ANO2: variants seen among roughly 807,000 people sequenced by gnomAD.
ANO2 encodes anoctamin 2, also known as anoctamin-2.
In ANO2, 101 loss-of-function variants were observed where a neutral mutation model predicts 124.2. The observed-to-expected ratio is 0.81, with a 90% CI of 0.69 to 0.96. The LOEUF is 0.96. ANO2 is among the 40% of genes least tolerant of loss of function. The pLI is 0.00. For synonymous variants in ANO2, 486 were observed against 482.5 expected (o/e 1.01, Z -0.09); for missense variants, 1,293 against 1,274.5 (o/e 1.01, Z -0.22).
intron 20 of ANO2, 129 bp from the exon 21 acceptor site, chr12:5,578,647 C>T: frequency 1.1e-6 from 1 of 914,454 alleles, no homozygotes; most frequent in Non-Finnish European, 1.6e-6. Context: ...TTTTTAGTCT[C>T]CCTTTTCCTC....
intron 7 of ANO2, among the ~76,000 whole-genome samples, chr12:5,807,697 T>C (rs896731595): frequency 6.6e-6 from 1 of 152,210 alleles, no homozygotes; most frequent in Non-Finnish European, 1.5e-5. Context: ...CATGACCGCA[T>C]AGGAATGGTT....
At chr12:5,905,226 C>A (rs1940591400) in intron 3 of ANO2, among the ~76,000 whole-genome samples, 1 of 152,312 alleles carries the variant, frequency 6.6e-6, no homozygotes, top group African/African-American at 2.4e-5. Context: ...CACCTGGAGC[C>A]ACCTGGGGCT....
chr12:5,589,854 G>A (rs1008086912), intron 20 of ANO2, among the ~76,000 whole-genome samples: 8 of 152,096 alleles, frequency 5.3e-5, no homozygotes, highest in Non-Finnish European at 1.0e-4. Context: ...TGGACCACAG[G>A]ACATGGAGAA....
chr12:5,577,966 C>A lies in ANO2; in HGVS notation c.2428G>T (p.Val810Phe). The change falls in exon 22 of 25, where the codon GTT (valine) becomes TTT (phenylalanine). Residue 810 changes from valine (V) to phenylalanine (F), a missense_variant. Physicochemically the swap from Val to Phe is conservative, Grantham distance 50. Transcript: ENST00000682330. ...DILSGIGKFS[V>F]ISNAFVIAIT... ...ATGCAAGTACTTACGTTGCTGATAA[C>A]AGAGAACTTGCCAATTCCAGAGAGA... The A allele has an allele frequency of 1.9e-6, 3 of 1,613,796 alleles. No individual in the cohort carries two copies. Among genetic ancestry groups the A allele is most frequent in the Non-Finnish European group, 1.7e-6 (2 of 1,179,736 alleles).
At chr12:5,801,295 T>C (rs1953030543) in intron 9 of ANO2, among the ~76,000 whole-genome samples, 1 of 152,154 alleles carries the variant, frequency 6.6e-6, no homozygotes, top group Non-Finnish European at 1.5e-5. Flanking sequence ...GTAAATAAAA[T>C]CATTCAGTAA....
At position 5,638,496 on chromosome 12, in the gene ANO2, A is replaced by G. The variant is rs1013372767; in HGVS notation, c.1621-3149T>C. On this transcript the variant is annotated intron_variant, in intron 15 of 24. Coordinates refer to ENST00000682330, the MANE Select transcript of ANO2 (RefSeq NM_001364791.2). ...ACGATCTGCCCACCTCGGCCTCCCA[A>G]AGTGCTGGGATTACAGGCGTGAGCC... Among the ~76,000 whole-genome samples, 28 of 89,178 alleles carry G rather than the reference A, an allele frequency of 3.1e-4. 1 individual carries two copies. The highest frequency in any genetic ancestry group is 9.8e-4 in the African/African-American group (25 of 25,394). 58.5% of individuals were successfully genotyped at this position (89,178 alleles called of 152,430 possible). A position where few individuals can be genotyped will look rare whatever the true frequency, so the allele number is the denominator to read the frequency against.
At chr12:5,646,535 GGT>G (rs919589655) in intron 15 of ANO2, among the ~76,000 whole-genome samples, 4 of 151,990 alleles carry the variant, frequency 2.6e-5, no homozygotes, top group African/African-American at 9.7e-5. Context: ...GTCTAAGCAT[GGT>G]GTCAAGCACA....
chr12:5,880,515 A>C (rs1438820242), intron 3 of ANO2, among the ~76,000 whole-genome samples: 1 of 152,090 alleles, frequency 6.6e-6, no homozygotes, highest in Admixed American at 6.6e-5. Flanking sequence ...ATGAAAGAGA[A>C]TAAGAGGAAG....
intron 14 of ANO2, among the ~76,000 whole-genome samples, chr12:5,651,595 A>C (rs1010948449): frequency 6.6e-6 from 1 of 151,642 alleles, no homozygotes; most frequent in African/African-American, 2.4e-5. Flanking sequence ...TTCATTTTTA[A>C]TTAAGATATA....
intron 16 of ANO2, among the ~76,000 whole-genome samples, chr12:5,626,733 C>T (rs190833828): frequency 4.1e-4 from 63 of 152,198 alleles, no homozygotes; most frequent in Non-Finnish European, 7.1e-4. Context: ...CCAGGAAGAA[C>T]CAAGAGGGAG....
chr12:5,612,712 G>A lies in ANO2; in HGVS notation c.2031C>T (p.Ser677=). 1 of 1,613,946 alleles carries A rather than the reference G, an allele frequency of 6.2e-7. No individual in the cohort carries two copies. The change falls in exon 19 of 25, where the codon AGC becomes AGT. Residue 677 remains serine (S), a synonymous_variant. Coordinates refer to ENST00000682330, the MANE Select transcript of ANO2 (RefSeq NM_001364791.2). ...TCAACTGCTTCCCCAACATGATGAT[G>A]CTGAGCTGAATGCAGAGCTCCATGA... is the stretch of plus-strand genomic sequence containing the variant. ...GCLMELCIQL[S]IIMLGKQLIQ... is the part of the protein sequence containing the mutation.
chr12:5,615,202 C>G lies in ANO2; in HGVS notation c.1912G>C (p.Ala638Pro). The G allele has an allele frequency of 6.2e-7, 1 of 1,613,418 alleles. No homozygotes were observed. The highest frequency in any genetic ancestry group is 8.5e-7 in the Non-Finnish European group (1 of 1,179,666). The change falls in exon 17 of 25, where the codon GCC becomes CCC. Residue 638 changes from alanine to proline, a missense_variant. Ala to Pro is a conservative substitution (Grantham distance 27). Coordinates refer to ENST00000682330, the MANE Select transcript of ANO2 (RefSeq NM_001364791.2). ...VNAYSPIFYV[A>P]FFKGRFVGRP... ...TATACTCACCTCCCTTTGAAAAAGG[C>G]CACATAGAAGATGGGGGAGTAGGCA... is the stretch of plus-strand genomic sequence containing the variant.
chr12:5,919,989 G>A (rs796692210), intron 3 of ANO2, among the ~76,000 whole-genome samples: 2 of 151,548 alleles, frequency 1.3e-5, no homozygotes, highest in African/African-American at 4.9e-5. Flanking sequence ...GAGTCACCGC[G>A]CCTGGCAAGG....
At chr12:5,799,635 C>T (rs377762437) in intron 9 of ANO2, 64 bp from the exon 10 acceptor site, 32 of 1,461,782 alleles carry the variant, frequency 2.2e-5, no homozygotes, top group Non-Finnish European at 2.9e-5. Flanking sequence ...TGATTTTGTC[C>T]ATCCTAACAA....
chr12:5,934,105 A>G (rs182826470), intron 1 of ANO2, among the ~76,000 whole-genome samples: 1 of 152,314 alleles, frequency 6.6e-6, no homozygotes, highest in East Asian at 1.9e-4. Flanking sequence ...AACACTTTAC[A>G]TGTGTCAGAC....
At chr12:5,810,707 A>G (rs1953359436) in intron 7 of ANO2, among the ~76,000 whole-genome samples, 1 of 152,170 alleles carries the variant, frequency 6.6e-6, no homozygotes, top group African/African-American at 2.4e-5. Context: ...CCCCTTACTG[A>G]TCCTCGAAGT....
At chr12:5,725,174 ATACT>A (rs1950390481) in intron 14 of ANO2, among the ~76,000 whole-genome samples, 1 of 151,798 alleles carries the variant, frequency 6.6e-6, no homozygotes, top group Admixed American at 6.6e-5. Flanking sequence ...ACACACATAC[ATACT>A]AACACAATCT....
upstream of ANO2, chr12:5,945,319 C>G (rs756003004): frequency 5.8e-6 from 6 of 1,042,090 alleles, no homozygotes; most frequent in Non-Finnish European, 7.0e-6. Flanking sequence ...TCCCGGCGCG[C>G]CCGCCCCTCG....
intron 16 of ANO2, among the ~76,000 whole-genome samples, chr12:5,619,471 T>C (rs941767038): frequency 6.6e-6 from 1 of 152,138 alleles, no homozygotes; most frequent in East Asian, 1.9e-4. Flanking sequence ...CTGGGTGAGA[T>C]AGGGAGGCAG....
Sources: allele counts gnomAD v4.1 joint callset (sites outside exome capture counted in the v4.1 genomes callset), GRCh38; gene constraint gnomAD v4.1.1; transcripts MANE v1.5; gene names NCBI Gene and HGNC (gene_info 2026-07-23, HGNC 2026-07-21).